The following TXNDC11 variants were observed in gnomAD, a reference collection of about 807,000 sequenced individuals.
TXNDC11 encodes thioredoxin domain-containing protein 11.
A neutral mutation model predicts 78.0 loss-of-function variants in TXNDC11; 68 were observed. That is an observed-to-expected ratio of 0.87 (90% confidence interval 0.72 to 1.07). The LOEUF is 1.07. TXNDC11 is among the 50% of genes least tolerant of loss of function. TXNDC11 has a pLI of 0.00. For synonymous variants in TXNDC11, 571 were observed against 495.2 expected (o/e 1.15, Z -2.03); for missense variants, 1,389 against 1,221.8 (o/e 1.14, Z -2.04).
intron 6 of TXNDC11, 90 bp from the exon 7 acceptor site, chr16:11,698,415 A>G (rs2050918774): frequency 8.5e-7 from 1 of 1,170,360 alleles, no homozygotes; most frequent in Non-Finnish European, 1.2e-6. Context: ...CCCCACCACT[A>G]AGGGTGAGAA....
At position 11,679,218 on chromosome 16, in the gene TXNDC11, T is replaced by C. The variant is rs762745074; in HGVS notation, c.2854A>G (p.Asn952Asp). Residue 952 changes from asparagine to aspartate, a missense_variant, in exon 12 of 12, where the codon AAT becomes GAT. Asn to Asp is a conservative substitution (Grantham distance 23). Transcript: ENST00000283033. The surrounding 1 kb of genome is among the most constrained non-coding windows in gnomAD (Gnocchi z 4.6). The stretch of plus-strand genomic sequence containing the variant: ...AGTTAGTCTGTCCTGTTCTCCTTAT[T>C]CCTTTCAGACACCAGTGTGGCGCTG... The part of the protein sequence containing the change: ...NVSATLVSER[N>D]KENRTD 7.4e-6 allele frequency: 12 copies of C among 1,613,922 alleles called. No individual in the cohort carries two copies. In the Admixed American group the frequency reaches 2.0e-4, roughly 27 times the overall value.
chr16:11,697,012 C>G (rs1355637404), intron 7 of TXNDC11, among the ~76,000 whole-genome samples: 1 of 152,162 alleles, frequency 6.6e-6, no homozygotes, highest in Non-Finnish European at 1.5e-5. Flanking sequence ...CAGTAAAGGC[C>G]TAGTCATTTG....
rs751536419 is a variant in TXNDC11 at position 11,688,415 on chromosome 16, T to A, written c.1931A>T (p.Tyr644Phe). The part of the protein sequence containing the change: ...ESFIQNFSVL[Y>F]SPLKRHLIGS... Reference sequence around the variant, plus strand: ...AATGAGATGCCTTTTCAAGGGACTATAGAGAACGCTGAAGTTTTGAATAAA... The same window carrying A: ...AATGAGATGCCTTTTCAAGGGACTAAAGAGAACGCTGAAGTTTTGAATAAA... Residue 644 changes from tyrosine to phenylalanine, a missense_variant, in exon 9 of 12, where the codon TAT becomes TTT. Physicochemically the swap from Tyr to Phe is conservative, Grantham distance 22 (BLOSUM62 3). Transcript: ENST00000283033. 6.2e-7 allele frequency: 1 copy of A among 1,612,854 alleles called. No homozygotes were observed. The highest frequency in any genetic ancestry group is 1.7e-5 in the Admixed American group (1 of 59,708).
intron 10 of TXNDC11, among the ~76,000 whole-genome samples, chr16:11,684,825 A>G (rs2050521735): frequency 6.6e-6 from 1 of 152,212 alleles, no homozygotes; most frequent in Non-Finnish European, 1.5e-5. Context: ...AGAGCTGGGC[A>G]CACAGCTGGG....
At chr16:11,733,016 C>T (rs764188312) in intron 3 of TXNDC11, among the ~76,000 whole-genome samples, 19 of 152,272 alleles carry the variant, frequency 1.2e-4, no homozygotes, top group Middle Eastern at 3.4e-3. Flanking sequence ...ACTTATCATT[C>T]ACAGCAGGGT....
At chr16:11,698,763 A>C (rs1397142152) in intron 6 of TXNDC11, among the ~76,000 whole-genome samples, 1 of 152,198 alleles carries the variant, frequency 6.6e-6, no homozygotes, top group Admixed American at 6.5e-5. Context: ...TGCTGCCCCC[A>C]AGGGCAGCAT....
intron 5 of TXNDC11, among the ~76,000 whole-genome samples, chr16:11,718,588 G>C (rs890591984): frequency 5.3e-5 from 8 of 151,976 alleles, no homozygotes; most frequent in African/African-American, 1.9e-4. Context: ...AGAAGAAAGG[G>C]AGAAAAACCC....
chr16:11,720,652 G>A (rs1482073167), intron 5 of TXNDC11, among the ~76,000 whole-genome samples: 1 of 151,788 alleles, frequency 6.6e-6, no homozygotes, highest in Non-Finnish European at 1.5e-5. Flanking sequence ...CCTGACCTCA[G>A]GTGATCCACC....
In TXNDC11 at chr16:11,734,021, T is replaced by C. The variant is rs779959265; in HGVS notation, c.530A>G (p.His177Arg). 1.2e-6 allele frequency: 2 copies of C among 1,606,222 alleles called. No homozygotes were observed. Among genetic ancestry groups the C allele is most frequent in the Non-Finnish European group, 1.7e-6 (2 of 1,178,436 alleles). ...ATATATTACAGGAAAATAAAAGAAG[T>C]GTTTCTGTTTTCTGCATTTCCCCTG... is the stretch of plus-strand genomic sequence containing the variant. ...WNQGKCRKQK[H>R]FFYFPVIYLY... The change falls in exon 3 of 12, where the codon CAC becomes CGC. Residue 177 changes from histidine to arginine, a missense_variant. By Grantham distance (29) the His-to-Arg change is conservative. Coordinates refer to ENST00000283033, the MANE Select transcript of TXNDC11 (RefSeq NM_015914.7).
At position 11,742,536 on chromosome 16, in the gene TXNDC11, C is replaced by G. The variant is rs904040776; in HGVS notation, c.195G>C (p.Leu65=). 6.9e-7 allele frequency: 1 copy of G among 1,459,502 alleles called. No individual in the cohort carries two copies. The highest frequency in any genetic ancestry group is 1.5e-5 in the African/African-American group (1 of 67,558). The allele number at this position is 1,459,502 out of a possible 1,614,324, so 90.4% of individuals were successfully genotyped here. ...AFLMARQRPE[L]LCGAVALGCA... Reference sequence around the variant, plus strand: ...AGCCGAGCGCCACGGCCCCGCAGAGCAGCTCCGGCCGCTGGCGCGCCATGA... The same window carrying G: ...AGCCGAGCGCCACGGCCCCGCAGAGGAGCTCCGGCCGCTGGCGCGCCATGA... Residue 65 remains leucine (L), a synonymous_variant, in exon 1 of 12, where the codon CTG becomes CTC. Transcript: ENST00000283033.
At chr16:11,700,825 C>T (rs2050992960) in intron 5 of TXNDC11, among the ~76,000 whole-genome samples, 1 of 152,172 alleles carries the variant, frequency 6.6e-6, no homozygotes. Context: ...CCCCTGTGTC[C>T]ACCTATGATG....
At chr16:11,690,571 G>C (rs1007630116) in intron 8 of TXNDC11, among the ~76,000 whole-genome samples, 11 of 152,100 alleles carry the variant, frequency 7.2e-5, no homozygotes, top group African/African-American at 2.7e-4. Context: ...TCTTTTTTTG[G>C]AGACGGAGTC....
chr16:11,699,036 T>C (rs1356254094), intron 6 of TXNDC11, among the ~76,000 whole-genome samples: 1 of 152,228 alleles, frequency 6.6e-6, no homozygotes, highest in Non-Finnish European at 1.5e-5. Context: ...ATCACTGGCT[T>C]CAAACAGAAC....
chr16:11,708,293 T>G (rs1039806209), intron 5 of TXNDC11, among the ~76,000 whole-genome samples: 2 of 152,176 alleles, frequency 1.3e-5, no homozygotes, highest in African/African-American at 2.4e-5. Context: ...TTTCTTGAAT[T>G]TTTTTCATGA....
At chr16:11,737,212 G>A (rs547706632) in intron 1 of TXNDC11, among the ~76,000 whole-genome samples, 7 of 152,204 alleles carry the variant, frequency 4.6e-5, no homozygotes, top group Non-Finnish European at 5.9e-5. Context: ...TTGGGAGGCC[G>A]AGGCAGGCAA....
chr16:11,688,475 C>A, intron 8 of TXNDC11, 30 bp from the exon 9 acceptor site: 1 of 1,569,394 alleles, frequency 6.4e-7, no homozygotes, highest in South Asian at 1.1e-5. Context: ...GAGATCAACT[C>A]TCCTCTAGAT....
intron 1 of TXNDC11, among the ~76,000 whole-genome samples, chr16:11,736,989 C>A (rs1163470260): frequency 6.6e-6 from 1 of 152,072 alleles, no homozygotes; most frequent in African/African-American, 2.4e-5. Context: ...AGTAGAAGGG[C>A]CCTAGTAAAC....
At chr16:11,713,342 A>C (rs935921877) in intron 5 of TXNDC11, among the ~76,000 whole-genome samples, 23 of 152,130 alleles carry the variant, frequency 1.5e-4, no homozygotes, top group African/African-American at 5.5e-4. Context: ...CAAAATATAC[A>C]AGGATTCCTT....
intron 7 of TXNDC11, among the ~76,000 whole-genome samples, chr16:11,697,643 A>G (rs975587030): frequency 1.3e-5 from 2 of 152,210 alleles, no homozygotes; most frequent in African/African-American, 4.8e-5. Context: ...GTTCAGAGAA[A>G]CAAGGTGTCC....
Sources: allele counts gnomAD v4.1 joint callset (sites outside exome capture counted in the v4.1 genomes callset), GRCh38; gene constraint gnomAD v4.1.1; non-coding constraint Gnocchi (gnomAD v3.1); transcripts MANE v1.5; gene names NCBI Gene and HGNC (gene_info 2026-07-23, HGNC 2026-07-21).